Variants in DLGAP2 observed in about 807,000 individuals in gnomAD.
DLGAP2 encodes DLG associated protein 2.
In DLGAP2, 26 loss-of-function variants were observed where a neutral mutation model predicts 100.3. The ratio of observed to expected loss-of-function variants is 0.26; its 90% CI spans 0.19 to 0.36. DLGAP2 has a LOEUF of 0.36. Ranked by LOEUF, DLGAP2 falls within the 10% of genes least tolerant of loss-of-function variation. The probability of loss-of-function intolerance (pLI) is 1.00; values close to 1 mark genes in which losing one functional copy is unlikely to be tolerated. For synonymous variants in DLGAP2, 886 were observed against 630.1 expected (o/e 1.41, Z -6.08); for missense variants, 1,858 against 1,453.2 (o/e 1.28, Z -4.53).
At chr8:1,182,781 A>T (rs752830532) in intron 2 of DLGAP2, among the ~76,000 whole-genome samples, 5 of 152,148 alleles carry the variant, frequency 3.3e-5, no homozygotes, top group Non-Finnish European at 5.9e-5. Flanking sequence ...CGCGCATGTG[A>T]GAGGCAGGAA....
chr8:782,317 T>C (rs1821713937), intron 1 of DLGAP2, among the ~76,000 whole-genome samples: 1 of 152,140 alleles, frequency 6.6e-6, no homozygotes, highest in Non-Finnish European at 1.5e-5. Context: ...AGTATCTTGA[T>C]AGAATTTTAG....
chr8:961,076 C>T (rs1297232671), intron 2 of DLGAP2, among the ~76,000 whole-genome samples: 24 of 148,510 alleles, frequency 1.6e-4, no homozygotes, highest in Non-Finnish European at 4.5e-5. Flanking sequence ...TCTCATGTTG[C>T]CTGTGAACGA....
intron 2 of DLGAP2, among the ~76,000 whole-genome samples, chr8:1,147,814 C>A (rs1796633520): frequency 6.6e-6 from 1 of 152,082 alleles, no homozygotes; most frequent in South Asian, 2.1e-4. Flanking sequence ...ATTTCTGAAT[C>A]ATAAATGAAA....
intron 1 of DLGAP2, among the ~76,000 whole-genome samples, chr8:841,496 G>C (rs994551459): frequency 6.6e-6 from 1 of 152,164 alleles, no homozygotes; most frequent in Non-Finnish European, 1.5e-5. Flanking sequence ...TCAAGAACAC[G>C]ACCCGGTTAC....
chr8:1,049,509 T>C (rs1802611751), intron 2 of DLGAP2, among the ~76,000 whole-genome samples: 1 of 152,176 alleles, frequency 6.6e-6, no homozygotes, highest in African/African-American at 2.4e-5. Flanking sequence ...TAAAAATTTA[T>C]TGTGCTTTCC....
intron 3 of DLGAP2, among the ~76,000 whole-genome samples, chr8:1,458,072 T>C (rs1798371896): frequency 2.0e-5 from 3 of 147,772 alleles, no homozygotes; most frequent in Non-Finnish European, 4.5e-5. Context: ...GTATATAATT[T>C]TTTGTATGTG....
At position 1,685,648 on chromosome 8, in the gene DLGAP2, C is replaced by T. The variant is rs571978947; in HGVS notation, c.2705-5887C>T. Among the ~76,000 whole-genome samples, 3 of 151,874 alleles carry T rather than the reference C, an allele frequency of 2.0e-5. No homozygotes were observed. In the East Asian group the frequency reaches 5.8e-4, roughly 29 times the overall value. On this transcript the variant is annotated intron_variant, in intron 12 of 14. Coordinates refer to ENST00000637795, the MANE Select transcript of DLGAP2 (RefSeq NM_001346810.2). ...AAAAGGAAACAGCAGAGTGAAAAGA[C>T]AACTCACAGAATGGGAGAAAATGTC...
intron 2 of DLGAP2, among the ~76,000 whole-genome samples, chr8:1,010,255 C>T (rs1234222293): frequency 1.4e-4 from 21 of 151,406 alleles, no homozygotes; most frequent in Admixed American, 8.5e-4. Flanking sequence ...CCCACATATG[C>T]GCACACATGC....
chr8:1,244,205 G>A (rs991825233), intron 2 of DLGAP2, among the ~76,000 whole-genome samples: 11 of 152,232 alleles, frequency 7.2e-5, no homozygotes, highest in Non-Finnish European at 1.5e-5. Flanking sequence ...GCATTTGTAG[G>A]TGCACGTACC....
At chr8:1,321,363 C>G (rs182891425) in intron 3 of DLGAP2, among the ~76,000 whole-genome samples, 1 of 151,240 alleles carries the variant, frequency 6.6e-6, no homozygotes, top group Non-Finnish European at 1.5e-5. Context: ...TGCATCCGTA[C>G]CATGTGCGTG....
intron 2 of DLGAP2, among the ~76,000 whole-genome samples, chr8:1,056,021 AGG>A (rs1802872640): frequency 6.6e-6 from 1 of 152,218 alleles, no homozygotes; most frequent in Non-Finnish European, 1.5e-5. Context: ...GAGGCAGCTC[AGG>A]GAGTTGAGAG....
chr8:1,032,405 A>T (rs59466351), intron 2 of DLGAP2, among the ~76,000 whole-genome samples: 5,252 of 152,322 alleles, frequency 0.034, 254 homozygotes, highest in East Asian at 0.17. Flanking sequence ...GGAAGCATCC[A>T]TCTTGAGCCA....
At chr8:1,364,509 G>A (rs539548203) in intron 3 of DLGAP2, among the ~76,000 whole-genome samples, 6 of 148,574 alleles carry the variant, frequency 4.0e-5, no homozygotes, top group East Asian at 2.1e-4. Flanking sequence ...GGGCGGGGGG[G>A]GTGCAGCGAA....
chr8:897,053 G>A (rs775076354), intron 1 of DLGAP2, among the ~76,000 whole-genome samples: 2 of 152,132 alleles, frequency 1.3e-5, no homozygotes, highest in Non-Finnish European at 2.9e-5. Context: ...GAGAATCATC[G>A]GAGGAAACCC....
chr8:1,178,242 T>G (rs1022804979), intron 2 of DLGAP2, among the ~76,000 whole-genome samples: 1 of 152,242 alleles, frequency 6.6e-6, no homozygotes, highest in African/African-American at 2.4e-5. Flanking sequence ...TTTATGGAGT[T>G]ACCACGTGAT....
At chr8:987,973 T>G (rs1023686516) in intron 2 of DLGAP2, among the ~76,000 whole-genome samples, 2 of 152,208 alleles carry the variant, frequency 1.3e-5, no homozygotes, top group African/African-American at 2.4e-5. Context: ...TTCAGTGATA[T>G]CCATCAAAAC....
At chr8:891,714 A>G (rs1233469897) in intron 1 of DLGAP2, 1 of 152,336 alleles carries the variant, frequency 6.6e-6, no homozygotes, top group East Asian at 1.9e-4. Flanking sequence ...TCCCATGACA[A>G]AGAGACAAAG....
intron 13 of DLGAP2, among the ~76,000 whole-genome samples, chr8:1,695,382 GA>G: frequency 7.2e-6 from 1 of 139,854 alleles, no homozygotes; most frequent in African/African-American, 3.0e-5. Context: ...CCTACAGAAA[GA>G]GGGGGCACAG....
chr8:1,701,441 G>A lies in DLGAP2; in HGVS notation c.*35G>A, dbSNP rs769575438. 2.9e-5 allele frequency: 45 copies of A among 1,544,962 alleles called. No individual in the cohort carries two copies. The highest frequency in any genetic ancestry group is 2.5e-4 in the Admixed American group (13 of 51,230). Reference sequence around the variant, plus strand: ...CCGGCGCCTTCCCCTCGTCGCTTCCGCTTTCCCGGACGCTTGTGCAGCGCG... The same window carrying A: ...CCGGCGCCTTCCCCTCGTCGCTTCCACTTTCCCGGACGCTTGTGCAGCGCG... On this transcript the variant is annotated 3_prime_UTR_variant, in exon 15 of 15. Coordinates refer to ENST00000637795, the MANE Select transcript of DLGAP2 (RefSeq NM_001346810.2).
Sources: allele counts gnomAD v4.1 joint callset (sites outside exome capture counted in the v4.1 genomes callset), GRCh38; gene constraint gnomAD v4.1.1; transcripts MANE v1.5; gene names NCBI Gene and HGNC (gene_info 2026-07-23, HGNC 2026-07-21).